Variants in PCDHGA3 observed in about 807,000 individuals in gnomAD.
PCDHGA3 encodes protocadherin gamma-A3.
In PCDHGA3, 40 loss-of-function variants were observed where a neutral mutation model predicts 58.5. That is an observed-to-expected ratio of 0.68 (90% CI 0.53 to 0.89). PCDHGA3 has a LOEUF of 0.89. Among genes scored for constraint, PCDHGA3 ranks in the 40% least tolerant of loss-of-function variants. The pLI is 0.00. For synonymous variants in PCDHGA3, 530 were observed against 525.7 expected, an observed-to-expected ratio of 1.01 and a Z score of -0.11; for missense variants, 1,223 against 1,195.9, an observed-to-expected ratio of 1.02 and a Z score of -0.33.
intron 1 of PCDHGA3, chr5:141,405,544 C>T: frequency 1.6e-6 from 1 of 632,908 alleles, no homozygotes; most frequent in Non-Finnish European, 2.7e-6. Context: ...CTCAGCCTCC[C>T]AAGTAGAGTA....
In PCDHGA3 at chr5:141,418,521, C is replaced by G. The variant is rs1246716171; in HGVS notation, c.2424+72064C>G. The G allele has an allele frequency of 3.7e-6, 6 of 1,613,840 alleles. No individual in the cohort carries two copies. The Admixed American group carries it at 1.0e-4, about 27-fold the overall frequency. On this transcript the variant is annotated intron_variant, in intron 1 of 3. Coordinates refer to ENST00000253812, the MANE Select transcript of PCDHGA3 (RefSeq NM_018916.4). ...ACCGCCTTAGATGGTGGGGACCCTC[C>G]CCGAAGCGGTACTGCTCAGATAAGA...
At chr5:141,404,568 G>A (rs2094540345) in intron 1 of PCDHGA3, 1 of 1,613,868 alleles carries the variant, frequency 6.2e-7, no homozygotes, top group Non-Finnish European at 8.5e-7. Flanking sequence ...GACAGTGGAA[G>A]CCCACCACTT....
intron 1 of PCDHGA3, chr5:141,375,350 A>C (rs1442876922): frequency 1.2e-6 from 2 of 1,613,744 alleles, no homozygotes; most frequent in African/African-American, 1.3e-5. Context: ...CATCACTGTG[A>C]CAGCCACGGA....
rs368936951 is a variant in PCDHGA3 at position 141,346,247 on chromosome 5, G to A, written c.2214G>A (p.Ser738=). ...GCGGCTTGGCGAGTACGCCCGGCTCGCACTTTGTGGGCGCGGACGGGGTTC... is the reference window on the plus strand; with the variant it reads ...GCGGCTTGGCGAGTACGCCCGGCTCACACTTTGTGGGCGCGGACGGGGTTC... ...SGGGLASTPG[S]HFVGADGVRA... Residue 738 remains serine, a synonymous_variant, in exon 1 of 4, where the codon TCG becomes TCA. Coordinates refer to ENST00000253812, the MANE Select transcript of PCDHGA3 (RefSeq NM_018916.4). The A allele has an allele frequency of 3.7e-6, 6 of 1,614,046 alleles. No homozygotes were observed. In the African/African-American group the frequency reaches 5.3e-5, roughly 14 times the overall value.
intron 1 of PCDHGA3, among the ~76,000 whole-genome samples, chr5:141,453,076 G>A (rs2098755408): frequency 1.3e-5 from 2 of 151,984 alleles, no homozygotes; most frequent in Admixed American, 6.6e-5. Flanking sequence ...CCACACTCTG[G>A]TTGATTAGTA....
At chr5:141,366,341 A>G in intron 1 of PCDHGA3, 1 of 1,613,914 alleles carries the variant, frequency 6.2e-7, no homozygotes, top group South Asian at 1.1e-5. Flanking sequence ...GATCCCTGAC[A>G]TCCTGGCTGA....
At chr5:141,419,686 G>A (rs551990092) in intron 1 of PCDHGA3, 2 of 1,612,760 alleles carry the variant, frequency 1.2e-6, no homozygotes, top group Non-Finnish European at 1.7e-6. Flanking sequence ...ACCACGTGGT[G>A]CAGGCCAGTG....
intron 1 of PCDHGA3, among the ~76,000 whole-genome samples, chr5:141,437,588 A>G (rs1399641711): frequency 6.6e-6 from 1 of 152,134 alleles, no homozygotes; most frequent in African/African-American, 2.4e-5. Context: ...CATGAATTGG[A>G]TAGTTCTGGT....
chr5:141,421,297 C>T (rs143092131), intron 1 of PCDHGA3: 106 of 1,613,512 alleles, frequency 6.6e-5, no homozygotes, highest in Non-Finnish European at 8.5e-5. Flanking sequence ...CCTGGGGACG[C>T]TGCGGGGGTT....
intron 2 of PCDHGA3, among the ~76,000 whole-genome samples, chr5:141,504,948 T>C (rs1044527570): frequency 2.0e-5 from 3 of 152,080 alleles, no homozygotes; most frequent in Admixed American, 1.3e-4. Flanking sequence ...GAATGCACTA[T>C]GTTCAATGCA....
chr5:141,456,578 C>G (rs959608396), intron 1 of PCDHGA3, among the ~76,000 whole-genome samples: 10 of 152,182 alleles, frequency 6.6e-5, no homozygotes, highest in African/African-American at 1.7e-4. Flanking sequence ...TTTCCCTGAG[C>G]CTGTCAATAA....
At chr5:141,370,421 C>T in intron 1 of PCDHGA3, 1 of 1,580,640 alleles carries the variant, frequency 6.3e-7, no homozygotes. Flanking sequence ...GATGGAGGGG[C>T]CCAGCAGGGC....
intron 1 of PCDHGA3, among the ~76,000 whole-genome samples, chr5:141,483,993 G>T (rs1307708919): frequency 6.8e-6 from 1 of 147,882 alleles, no homozygotes; most frequent in Non-Finnish European, 1.5e-5. Flanking sequence ...AGGTTGCTGG[G>T]AGGTCTGGAT....
chr5:141,387,473 G>T (rs1032850562), intron 1 of PCDHGA3, among the ~76,000 whole-genome samples: 4 of 152,190 alleles, frequency 2.6e-5, no homozygotes, highest in Non-Finnish European at 4.4e-5. Context: ...CCTCAAAGTT[G>T]GGATGAAGGC....
At chr5:141,362,108 C>T in intron 1 of PCDHGA3, 13 of 1,613,972 alleles carry the variant, frequency 8.1e-6, no homozygotes, top group Non-Finnish European at 1.1e-5. Flanking sequence ...TCCGCTACGG[C>T]CACGCTGCAC....
rs776440788 is a variant in PCDHGA3, at chr5:141,357,631, T to C, written c.2424+11174T>C. ...AGACCCTAATCTTCAGGTGAGTCAA[T>C]CTTATAATAGATCATACCACACTGA... On this transcript the variant is annotated intron_variant, in intron 1 of 3. Transcript: ENST00000253812. 6.8e-6 allele frequency: 11 copies of C among 1,613,284 alleles called. No individual in the cohort carries two copies. The Admixed American group carries it at 1.8e-4, about 27-fold the overall frequency.
chr5:141,462,243 A>C (rs141980823), intron 1 of PCDHGA3, among the ~76,000 whole-genome samples: 70 of 152,368 alleles, frequency 4.6e-4, no homozygotes, highest in African/African-American at 1.6e-3. Flanking sequence ...TACAGGTATG[A>C]GCCACCATGA....
At chr5:141,362,074 C>A (rs1441916525) in intron 1 of PCDHGA3, 1 of 1,612,448 alleles carries the variant, frequency 6.2e-7, no homozygotes, top group East Asian at 2.2e-5. Context: ...GGTCGCTGTG[C>A]GTGATGGAGG....
chr5:141,375,817 G>A (rs376557886), intron 1 of PCDHGA3: 6 of 1,614,046 alleles, frequency 3.7e-6, no homozygotes, highest in Non-Finnish European at 4.2e-6. Flanking sequence ...TGGAGCTGGC[G>A]CCCCGCTCCG....
Sources: allele counts gnomAD v4.1 joint callset (sites outside exome capture counted in the v4.1 genomes callset), GRCh38; gene constraint gnomAD v4.1.1; transcripts MANE v1.5; gene names NCBI Gene and HGNC (gene_info 2026-07-23, HGNC 2026-07-21).